The following HCN2 variants were observed in gnomAD, a reference collection of about 807,000 sequenced individuals.
The protein encoded by HCN2 is potassium/sodium hyperpolarization-activated cyclic nucleotide-gated channel 2.
A neutral mutation model predicts 52.3 loss-of-function variants in HCN2; 20 were observed. That is an observed-to-expected ratio of 0.38 (90% CI 0.27 to 0.56). HCN2 has a LOEUF of 0.56. HCN2 is among the 20% of genes least tolerant of loss of function. The pLI, the probability that HCN2 is intolerant of heterozygous loss-of-function variation, is 0.71. For synonymous variants in HCN2, 694 were observed against 537.0 expected (o/e 1.29, Z -4.04); for missense variants, 981 against 1,207.7 (o/e 0.81, Z 2.78).
intron 4 of HCN2, among the ~76,000 whole-genome samples, chr19:608,789 T>C (rs1460867529): frequency 6.6e-6 from 1 of 152,096 alleles, no homozygotes; most frequent in Non-Finnish European, 1.5e-5. Context: ...GGCCTGGGGT[T>C]GCTTCAGGAC....
chr19:614,941 C>T (rs1369899944), intron 7 of HCN2, among the ~76,000 whole-genome samples: 1 of 152,032 alleles, frequency 6.6e-6, no homozygotes. Context: ...AGGACAGGTG[C>T]GACGGAGTGG....
chr19:614,110 G>T, intron 7 of HCN2, 94 bp downstream of exon 7: 2 of 952,902 alleles, frequency 2.1e-6, no homozygotes, highest in Non-Finnish European at 2.9e-6. Context: ...GTGGCAGGGG[G>T]AAGGGCGTGG....
intron 3 of HCN2, among the ~76,000 whole-genome samples, chr19:607,527 G>A (rs947604498): frequency 3.3e-5 from 5 of 152,216 alleles, no homozygotes; most frequent in South Asian, 2.1e-4. Flanking sequence ...ACAGAGCCCC[G>A]CGGCTCCCCT....
intron 3 of HCN2, among the ~76,000 whole-genome samples, chr19:607,390 C>T (rs1423782758): frequency 6.6e-6 from 1 of 152,172 alleles, no homozygotes; most frequent in African/African-American, 2.4e-5. Context: ...AGCAGGTGGG[C>T]ATTGATGGGG....
rs1983921490 is a variant in HCN2 at position 616,335 on chromosome 19, C to T, written c.2531C>T (p.Ser844Phe). 4 of 1,202,460 alleles carry T rather than the reference C, an allele frequency of 3.3e-6. No individual in the cohort carries two copies. The highest frequency in any genetic ancestry group is 1.6e-5 in the African/African-American group (1 of 61,134). The allele number at this position is 1,202,460 out of a possible 1,614,324, so 74.5% of individuals were successfully genotyped here. A position where few individuals can be genotyped will look rare whatever the true frequency, so the allele number is the denominator to read the frequency against. ...GCCTCCACACGCCCGGCCAGCAGCT[C>T]CACACCGCGCTTGGGGCCCACGCCC... is the stretch of plus-strand genomic sequence containing the variant. The part of the protein sequence containing the change: ...PAASTRPASS[S>F]TPRLGPTPAA... Residue 844 changes from serine (S) to phenylalanine (F), a missense_variant, in exon 8 of 8, where the codon TCC becomes TTC. Transcript: ENST00000251287.
intron 4 of HCN2, among the ~76,000 whole-genome samples, chr19:608,549 A>G (rs115416855): frequency 2.9e-3 from 432 of 150,022 alleles, no homozygotes; most frequent in Middle Eastern, 0.01. Context: ...TGACCCTGTG[A>G]CAGGGAGGGA....
chr19:616,405 C>G lies in HCN2; in HGVS notation c.2601C>G (p.Ala867=). The change falls in exon 8 of 8, where the codon GCC becomes GCG. Residue 867 remains alanine (A), a synonymous_variant. Transcript: ENST00000251287. ...CCAGCCCGGACCGCAGGGACTCGGC[C>G]TCACCCGGCGCCGCCGGCGGCCTGG... is the stretch of plus-strand genomic sequence containing the variant. ...AAPSPDRRDS[A]SPGAAGGLDP... The G allele has an allele frequency of 2.4e-6, 3 of 1,238,448 alleles. No homozygotes were observed. The highest frequency in any genetic ancestry group is 2.2e-5 in the South Asian group (1 of 45,764). 76.7% of individuals were successfully genotyped at this position (1,238,448 alleles called of 1,614,324 possible).
At chr19:594,980 C>T (rs1005973394) in intron 1 of HCN2, among the ~76,000 whole-genome samples, 4 of 152,158 alleles carry the variant, frequency 2.6e-5, no homozygotes, top group Middle Eastern at 3.4e-3. Flanking sequence ...GCGGGAGGAT[C>T]GCTTGAGCCC....
In HCN2 at chr19:591,159, G is replaced by C. The variant is rs1982861068; in HGVS notation, c.632+582G>C. 6.6e-6 allele frequency: 1 copy of C among 152,024 alleles called. No homozygotes were observed. The highest frequency in any genetic ancestry group is 1.5e-5 in the Non-Finnish European group (1 of 67,984). 9.4% of individuals were successfully genotyped at this position (152,024 alleles called of 1,614,324 possible). A position where few individuals can be genotyped will look rare whatever the true frequency, so the allele number is the denominator to read the frequency against. On this transcript the variant is annotated intron_variant, in intron 1 of 7. Transcript: ENST00000251287. The surrounding 1 kb of genome is among the most constrained non-coding windows in gnomAD (Gnocchi z 4.1). ...GCGGTGGGTGTGTAGACGCCGCTGT[G>C]GATCCAGCCGGCTAATGCGTGGAAG...
intron 6 of HCN2, 27 bp downstream of exon 6, chr19:613,515 G>C (rs755119338): frequency 1.9e-6 from 2 of 1,056,472 alleles, no homozygotes; most frequent in South Asian, 1.3e-5. Context: ...CGCGCCTGGA[G>C]GGGGAGGGGG....
chr19:595,792 G>A (rs1983011062), intron 1 of HCN2, among the ~76,000 whole-genome samples: 1 of 152,198 alleles, frequency 6.6e-6, no homozygotes, highest in East Asian at 1.9e-4. Flanking sequence ...ATCTGGCCAT[G>A]ACTCCACAGC....
chr19:610,511 G>A, intron 5 of HCN2, 106 bp downstream of exon 5: 4 of 978,172 alleles, frequency 4.1e-6, no homozygotes, highest in East Asian at 2.4e-5. Flanking sequence ...TGCCTAGGCT[G>A]CAGCAGGAGG....
Position 590,702 on chromosome 19 carries a change from G to A in HCN2, c.632+125G>A, listed in dbSNP as rs993973620. Reference sequence around the variant, plus strand: ...CGGGCCGGTGACCTCGGGGCTCCTCGGTGACCTCGGGCGTGTCCGGGACCC... The same window carrying A: ...CGGGCCGGTGACCTCGGGGCTCCTCAGTGACCTCGGGCGTGTCCGGGACCC... On this transcript the variant is annotated intron_variant, in intron 1 of 7. Transcript: ENST00000251287. The surrounding 1 kb of genome is among the most constrained non-coding windows in gnomAD (Gnocchi z 7.2). The A allele has an allele frequency of 2.8e-5, 19 of 687,378 alleles. No homozygotes were observed. The African/African-American group carries it at 3.0e-4, about 11-fold the overall frequency. The allele number at this position is 687,378 out of a possible 1,614,324, so 42.6% of individuals were successfully genotyped here. A position where few individuals can be genotyped will look rare whatever the true frequency, so the allele number is the denominator to read the frequency against.
intron 1 of HCN2, among the ~76,000 whole-genome samples, chr19:603,324 G>A (rs547427609): frequency 6.9e-6 from 1 of 144,888 alleles, no homozygotes; most frequent in South Asian, 2.2e-4. Context: ...GAATGCCCGG[G>A]GCTGGTCCCA....
chr19:615,807 C>G lies in HCN2; in HGVS notation c.2003C>G (p.Ser668Cys). 2 of 1,611,842 alleles carry G rather than the reference C, an allele frequency of 1.2e-6. No individual in the cohort carries two copies. Among genetic ancestry groups the G allele is most frequent in the Non-Finnish European group, 1.7e-6 (2 of 1,179,588 alleles). ...CCCTCTCCCGCAGGCAAGAAGAATT[C>G]CATCCTCCTGCACAAGGTGCAGCAT... ...DRLDRIGKKN[S>C]ILLHKVQHDL... Residue 668 changes from serine to cysteine, a missense_variant, in exon 8 of 8, where the codon TCC (serine) becomes TGC (cysteine). By Grantham distance (112) the Ser-to-Cys change is moderately radical (BLOSUM62 -1). Coordinates refer to ENST00000251287, the MANE Select transcript of HCN2 (RefSeq NM_001194.4).
Position 612,427 on chromosome 19 carries a change from T to TGA in HCN2, c.1585-812_1585-811dup, listed in dbSNP as rs1555731835. On this transcript the variant is annotated intron_variant, in intron 5 of 7. Transcript: ENST00000251287. ...GTGTGTGTGTGTGTGTGTGTGTGTG[T>TGA]GAGAGAGAGATGGAGTCTCGCTCTG... is the stretch of plus-strand genomic sequence containing the variant. 2.1e-4 allele frequency among the ~76,000 whole-genome samples: 30 copies of TGA among 142,360 alleles called. No individual in the cohort carries two copies. In the South Asian group the frequency reaches 3.4e-3, roughly 16 times the overall value. 93.4% of individuals were successfully genotyped at this position (142,360 alleles called of 152,430 possible). A position where few individuals can be genotyped will look rare whatever the true frequency, so the allele number is the denominator to read the frequency against.
intron 1 of HCN2, among the ~76,000 whole-genome samples, chr19:600,761 G>A (rs894045332): frequency 1.3e-5 from 2 of 152,198 alleles, no homozygotes; most frequent in Non-Finnish European, 2.9e-5. Context: ...GAACACAGGC[G>A]TGAGCCACCG....
Position 603,853 on chromosome 19 carries a change from C to T in HCN2, c.942C>T (p.Ser314=), listed in dbSNP as rs745857533. ...TTATCGTGGAGAAGGGCATTGACTC[C>T]GAGGTCTACAAGACGGCACGCGCCC... ...IFLIVEKGID[S]EVYKTARALR... The change falls in exon 2 of 8, where the codon TCC becomes TCT. Residue 314 remains serine, a synonymous_variant. Coordinates refer to ENST00000251287, the MANE Select transcript of HCN2 (RefSeq NM_001194.4). 26 of 1,612,554 alleles carry T rather than the reference C, an allele frequency of 1.6e-5. No individual in the cohort carries two copies. The highest frequency in any genetic ancestry group is 9.3e-5 in the African/African-American group (7 of 74,906).
At chr19:610,656 C>A in intron 5 of HCN2, among the ~76,000 whole-genome samples, 2 of 152,294 alleles carry the variant, frequency 1.3e-5, no homozygotes, top group South Asian at 4.1e-4. Flanking sequence ...CCTGACAGGG[C>A]GGGGCAGAAG....
Sources: gnomAD v4.1 joint callset for allele counts (sites outside exome capture counted in the v4.1 genomes callset) on GRCh38, gnomAD v4.1.1 for gene constraint, Gnocchi (gnomAD v3.1) non-coding constraint, MANE v1.5 for transcripts, NCBI Gene and HGNC (gene_info 2026-07-23, HGNC 2026-07-21) for gene names.